PPIH: variants seen among roughly 807,000 people sequenced by gnomAD.
PPIH encodes peptidylprolyl isomerase H.
PPIH carries 16 observed loss-of-function variants against 27.6 expected under a neutral mutation model. The ratio of observed to expected loss-of-function variants is 0.58; its 90% CI spans 0.39 to 0.88. PPIH has a LOEUF of 0.88. Among genes scored for constraint, PPIH ranks in the 40% least tolerant of loss-of-function variants. The pLI is 0.00. For synonymous variants in PPIH, 63 were observed against 76.1 expected (o/e 0.83, Z 0.90); for missense variants, 155 against 224.1 (o/e 0.69, Z 1.97).
intron 7 of PPIH, 72 bp downstream of exon 7, chr1:42,666,139 C>T: frequency 2.1e-6 from 3 of 1,412,302 alleles, no homozygotes; most frequent in Non-Finnish European, 3.0e-6. Context: ...AGTTAGTTCT[C>T]AAACTCTTAC....
chr1:42,663,215 TTTGA>T (rs1287015916), intron 5 of PPIH, among the ~76,000 whole-genome samples: 5 of 152,334 alleles, frequency 3.3e-5, no homozygotes, highest in African/African-American at 1.2e-4. Context: ...TATTAGCTTA[TTTGA>T]TTATTTATAT....
At chr1:42,658,659 A>T in intron 1 of PPIH, 147 bp downstream of exon 1, 1 of 1,129,780 alleles carries the variant, frequency 8.9e-7, no homozygotes, top group Non-Finnish European at 1.3e-6. Flanking sequence ...GGCGGGGGGA[A>T]AGGAGGAGGA....
chr1:42,676,874 G>A, downstream of PPIH: 1 of 152,216 alleles, frequency 6.6e-6, no homozygotes, highest in Middle Eastern at 3.4e-3. Context: ...TCAGAGGCCA[G>A]CATGGACCAG....
In PPIH at chr1:42,675,699, A is replaced by G. The variant is rs546452095; in HGVS notation, c.*22-885A>G. Among the ~76,000 whole-genome samples, 7 of 152,300 alleles carry G rather than the reference A, an allele frequency of 4.6e-5. No homozygotes were observed. The South Asian group carries it at 1.0e-3, about 23-fold the overall frequency. On this transcript the variant is annotated intron_variant, in intron 9 of 9. Coordinates refer to ENST00000304979, the MANE Select transcript of PPIH (RefSeq NM_006347.4). ...GAGGAATGGCAAGAGGAGGGGGACA[A>G]TAGTATCTGGGTGTACTTACTCTGT...
At chr1:42,661,164 G>C (rs1648993643) in intron 5 of PPIH, among the ~76,000 whole-genome samples, 1 of 152,128 alleles carries the variant, frequency 6.6e-6, no homozygotes, top group Non-Finnish European at 1.5e-5. Flanking sequence ...GCCAGAAATT[G>C]GACTTTTTAA....
chr1:42,660,869 A>G lies in PPIH; in HGVS notation c.208A>G (p.Lys70Glu), dbSNP rs1301044242. ...CTTTGCTCTCTGTTTCAGGGTCATAAAGGATTTCATGATTCAGGGTGGAGA... is the reference window on the plus strand; with the variant it reads ...CTTTGCTCTCTGTTTCAGGGTCATAGAGGATTTCATGATTCAGGGTGGAGA... ...YKGSTFHRVI[K>E]DFMIQGGDFV... Residue 70 changes from lysine to glutamate, a missense_variant, in exon 5 of 10, where the codon AAG (lysine) becomes GAG (glutamate). Lys to Glu is a moderately conservative substitution (Grantham distance 56). Transcript: ENST00000304979. The G allele has an allele frequency of 1.9e-6, 3 of 1,608,880 alleles. No individual in the cohort carries two copies. The highest frequency in any genetic ancestry group is 2.5e-6 in the Non-Finnish European group (3 of 1,176,964).
intron 9 of PPIH, among the ~76,000 whole-genome samples, chr1:42,675,017 C>G (rs933446856): frequency 7.2e-5 from 11 of 152,196 alleles, no homozygotes; most frequent in African/African-American, 2.7e-4. Flanking sequence ...AGAGGTAGAT[C>G]TGGATGTGTT....
At chr1:42,659,187 AC>A in intron 2 of PPIH, 40 bp from the exon 3 acceptor site, 1 of 1,613,550 alleles carries the variant, frequency 6.2e-7, no homozygotes, top group East Asian at 2.2e-5. Flanking sequence ...CACGACTGTG[AC>A]ATCATAGTGA....
chr1:42,660,843 T>G lies in PPIH; in HGVS notation c.201-19T>G. On this transcript the variant is annotated intron_variant, in intron 4 of 9. Transcript: ENST00000304979. The stretch of plus-strand genomic sequence containing the variant: ...CTAAACCATAAAATCTTCTCAGTAT[T>G]CTTTGCTCTCTGTTTCAGGGTCATA... The G allele has an allele frequency of 6.3e-7, 1 of 1,587,252 alleles. No homozygotes were observed. Among genetic ancestry groups the G allele is most frequent in the Non-Finnish European group, 8.6e-7 (1 of 1,166,150 alleles).
intron 9 of PPIH, 126 bp from the exon 10 acceptor site, chr1:42,676,458 A>T (rs1649886352): frequency 6.7e-6 from 1 of 149,418 alleles, no homozygotes; most frequent in African/African-American, 2.5e-5. Context: ...ACAGAATGGG[A>T]CTCTGTCTCA....
chr1:42,675,840 C>T (rs1293901943), intron 9 of PPIH, among the ~76,000 whole-genome samples: 1 of 152,150 alleles, frequency 6.6e-6, no homozygotes, highest in Non-Finnish European at 1.5e-5. Context: ...TTGTTCTGGA[C>T]CTCCACAGAG....
intron 9 of PPIH, among the ~76,000 whole-genome samples, chr1:42,667,659 G>C (rs1049652791): frequency 6.6e-6 from 1 of 152,208 alleles, no homozygotes; most frequent in Non-Finnish European, 1.5e-5. Context: ...AATAAAAAGA[G>C]AAAGGGTTGT....
intron 9 of PPIH, among the ~76,000 whole-genome samples, chr1:42,669,194 CAAAA>C (rs11297325): frequency 6.8e-5 from 9 of 131,530 alleles, no homozygotes; most frequent in Non-Finnish European, 9.7e-5. Context: ...TGGATGACAT[CAAAA>C]AAAAAAAAAA....
chr1:42,665,962 A>T lies in PPIH; in HGVS notation c.337-18A>T, dbSNP rs376790814. On this transcript the variant is annotated intron_variant, in intron 6 of 9. Transcript: ENST00000304979. ...ATGGCCGGGGAAACTTACTGCAGGTATATTTGGTTTCCATCAGGCGAACAG... is the reference window on the plus strand; with the variant it reads ...ATGGCCGGGGAAACTTACTGCAGGTTTATTTGGTTTCCATCAGGCGAACAG... 6.2e-6 allele frequency: 10 copies of T among 1,606,538 alleles called. No homozygotes were observed. In the African/African-American group the frequency reaches 1.1e-4, roughly 17 times the overall value.
At chr1:42,661,850 G>T (rs1649040227) in intron 5 of PPIH, among the ~76,000 whole-genome samples, 1 of 151,620 alleles carries the variant, frequency 6.6e-6, no homozygotes, top group East Asian at 1.9e-4. Flanking sequence ...AAAAATCCTA[G>T]TTTTTTTTTC....
chr1:42,664,781 C>A, intron 5 of PPIH, 82 bp from the exon 6 acceptor site: 1 of 1,080,152 alleles, frequency 9.3e-7, no homozygotes, highest in Non-Finnish European at 1.4e-6. Context: ...AGATGTCATG[C>A]TTTAGGTGCG....
downstream of PPIH, among the ~76,000 whole-genome samples, chr1:42,678,255 G>A (rs551253828): frequency 2.0e-5 from 3 of 152,154 alleles, no homozygotes; most frequent in Admixed American, 6.5e-5. Flanking sequence ...GTTACATCTG[G>A]CACCTACATT....
intron 9 of PPIH, among the ~76,000 whole-genome samples, chr1:42,674,000 T>C (rs761534251): frequency 2.6e-5 from 4 of 152,250 alleles, no homozygotes; most frequent in Non-Finnish European, 4.4e-5. Flanking sequence ...TTGGTGGCAG[T>C]TGGGCTGGTC....
At chr1:42,672,181 C>A (rs1484588792) in intron 9 of PPIH, among the ~76,000 whole-genome samples, 3 of 152,080 alleles carry the variant, frequency 2.0e-5, no homozygotes, top group Non-Finnish European at 4.4e-5. Flanking sequence ...CCATGCCTGG[C>A]CGGGCAGTAT....
Sources: allele counts gnomAD v4.1 joint callset (sites outside exome capture counted in the v4.1 genomes callset), GRCh38; gene constraint gnomAD v4.1.1; transcripts MANE v1.5; gene names NCBI Gene and HGNC (gene_info 2026-07-23, HGNC 2026-07-21).